WASHC2A: variants seen among roughly 807,000 people sequenced by gnomAD.
WASHC2A encodes WASH complex subunit 2A.
A neutral mutation model predicts 140.3 loss-of-function variants in WASHC2A; 82 were observed. The observed-to-expected ratio is 0.58, with a 90% CI of 0.49 to 0.70. The LOEUF (loss-of-function observed/expected upper bound fraction) is 0.70. Among genes scored for constraint, WASHC2A ranks in the 30% least tolerant of loss-of-function variants. The pLI is 0.00. For missense variants in WASHC2A, 985 were observed against 1,521.8 expected (o/e 0.65, Z 5.87); for synonymous variants, 340 against 560.8 (o/e 0.61, Z 5.56).
intron 2 of WASHC2A, 57 bp from the exon 3 acceptor site, chr10:50,069,490 C>T: frequency 6.5e-7 from 1 of 1,537,978 alleles, no homozygotes; most frequent in South Asian, 1.2e-5. Flanking sequence ...TTTGATGTGA[C>T]ATGCAGAATA....
At chr10:50,110,339 A>T in intron 20 of WASHC2A, 69 bp downstream of exon 20, 2 of 1,598,122 alleles carry the variant, frequency 1.3e-6, no homozygotes, top group South Asian at 1.1e-5. Context: ...TCTGATGCAC[A>T]ATCTAGTTCA....
chr10:50,098,959 G>A (rs1233507336), intron 16 of WASHC2A, among the ~76,000 whole-genome samples: 1 of 150,916 alleles, frequency 6.6e-6, no homozygotes, highest in Non-Finnish European at 1.5e-5. Flanking sequence ...TGCTTCATTG[G>A]AAAGGTACCC....
intron 3 of WASHC2A, among the ~76,000 whole-genome samples, chr10:50,076,742 C>T (rs1302714908): frequency 6.6e-6 from 1 of 151,836 alleles, no homozygotes; most frequent in African/African-American, 2.4e-5. Flanking sequence ...CTTTGGGAGG[C>T]CAAGGCCGAT....
chr10:50,086,551 C>T (rs1839400102), intron 7 of WASHC2A, among the ~76,000 whole-genome samples: 3 of 151,124 alleles, frequency 2.0e-5, no homozygotes, highest in South Asian at 4.2e-4. Flanking sequence ...CCCATTAGCT[C>T]GTCATCTAGC....
At chr10:50,097,961 C>T (rs1840656798) in intron 16 of WASHC2A, among the ~76,000 whole-genome samples, 159 bp downstream of exon 16, 1 of 151,760 alleles carries the variant, frequency 6.6e-6, no homozygotes, top group African/African-American at 2.4e-5. Flanking sequence ...AAATAACTGC[C>T]ACCCAGATTG....
chr10:50,087,298 T>G lies in WASHC2A; in HGVS notation c.708T>G (p.His236Gln). 6.2e-7 allele frequency: 1 copy of G among 1,613,972 alleles called. No homozygotes were observed. The highest frequency in any genetic ancestry group is 1.1e-5 in the South Asian group (1 of 91,076). ...EEEESDEDFA[H>Q]HSDNEQNRHT... is the part of the protein sequence containing the mutation. ...AGGAGTCAGATGAAGATTTTGCCCA[T>G]CATAGTGACAATGAACAAAACCGGG... The change falls in exon 8 of 31, where the codon CAT becomes CAG. Residue 236 changes from histidine to glutamine, a missense_variant. Transcript: ENST00000282633.
chr10:50,124,276 G>A (rs1301603021), intron 23 of WASHC2A, among the ~76,000 whole-genome samples: 7 of 151,426 alleles, frequency 4.6e-5, no homozygotes, highest in Admixed American at 1.3e-4. Flanking sequence ...GCTGATCTTT[G>A]TATTTTTAGT....
chr10:50,105,949 A>G (rs1278499884), intron 18 of WASHC2A, among the ~76,000 whole-genome samples: 1 of 151,876 alleles, frequency 6.6e-6, no homozygotes, highest in Non-Finnish European at 1.5e-5. Context: ...CGTGGAGACA[A>G]CAGTGTGAGT....
At chr10:50,093,982 A>C in intron 13 of WASHC2A, 65 bp downstream of exon 13, 2 of 1,601,142 alleles carry the variant, frequency 1.2e-6, no homozygotes, top group Non-Finnish European at 1.7e-6. Context: ...TCTCACTAGG[A>C]GATGGAACAA....
chr10:50,070,129 G>T lies in WASHC2A; in HGVS notation c.291+418G>T, dbSNP rs1358317480. ...TAAATTATATTCAGGGGATATATAT[G>T]TCTGCTTGCAATACTCTCAACTAAA... On this transcript the variant is annotated intron_variant, in intron 3 of 30. Transcript: ENST00000282633. 2.0e-5 allele frequency among the ~76,000 whole-genome samples: 3 copies of T among 152,176 alleles called. No homozygotes were observed. The South Asian group carries it at 6.2e-4, about 31-fold the overall frequency.
intron 8 of WASHC2A, 51 bp downstream of exon 8, chr10:50,087,373 T>C: frequency 6.2e-7 from 1 of 1,609,530 alleles, no homozygotes; most frequent in Non-Finnish European, 8.5e-7. Context: ...AATTGAAGCA[T>C]AGTATATATA....
rs1840935663 is a variant in WASHC2A, at chr10:50,099,965, ACCCCCG to A, written c.1549-12_1549-7del. On this transcript the variant is annotated splice_region_variant and splice_polypyrimidine_tract_variant and intron_variant, in intron 16 of 30. Coordinates refer to ENST00000282633, the MANE Select transcript of WASHC2A (RefSeq NM_001005751.3). ...TTTTTTCTTCCCCACCCCCCCCCCC[ACCCCCG>A]ACAAAGGTTACCTTATCTTCCAGCA... is the stretch of plus-strand genomic sequence containing the variant. 1 of 1,049,932 alleles carries A rather than the reference ACCCCCG, an allele frequency of 9.5e-7. No individual in the cohort carries two copies. The highest frequency in any genetic ancestry group is 3.3e-5 in the African/African-American group (1 of 29,884). 65.0% of individuals were successfully genotyped at this position (1,049,932 alleles called of 1,614,324 possible).
intron 3 of WASHC2A, among the ~76,000 whole-genome samples, chr10:50,075,771 TG>T: frequency 6.6e-6 from 1 of 152,280 alleles, no homozygotes; most frequent in East Asian, 1.9e-4. Context: ...CTCTGCTGTT[TG>T]CCAGTATCAT....
chr10:50,088,652 T>G (rs1266777319), intron 8 of WASHC2A, among the ~76,000 whole-genome samples: 24,740 of 104,434 alleles, frequency 0.24, 3,729 homozygotes, highest in Middle Eastern at 0.37. Flanking sequence ...TAATGTCTGG[T>G]GGACATTCTA....
chr10:50,133,467 C>T lies in WASHC2A; in HGVS notation c.*522C>T, dbSNP rs2133156591. ...AGTTTGGCAAACTGTGGCCCCCCCA[C>T]TGTCATATTTTGTTAATAAAATTTT... On this transcript the variant is annotated 3_prime_UTR_variant, in exon 31 of 31. Coordinates refer to ENST00000282633, the MANE Select transcript of WASHC2A (RefSeq NM_001005751.3). 2.1e-6 allele frequency: 1 copy of T among 469,792 alleles called. No individual in the cohort carries two copies. Among genetic ancestry groups the T allele is most frequent in the East Asian group, 6.9e-5 (1 of 14,422 alleles). 29.1% of individuals were successfully genotyped at this position (469,792 alleles called of 1,614,324 possible). A position where few individuals can be genotyped will look rare whatever the true frequency, so the allele number is the denominator to read the frequency against.
At chr10:50,121,996 A>G (rs539958307) in intron 23 of WASHC2A, among the ~76,000 whole-genome samples, 3 of 107,786 alleles carry the variant, frequency 2.8e-5, no homozygotes, top group East Asian at 6.3e-4. Flanking sequence ...GAAATGGACA[A>G]GCTGATCCTA....
At chr10:50,099,138 A>AT (rs1452890617) in intron 16 of WASHC2A, among the ~76,000 whole-genome samples, 1 of 151,570 alleles carries the variant, frequency 6.6e-6, no homozygotes, top group Non-Finnish European at 1.5e-5. Flanking sequence ...TTAATTCTAT[A>AT]TTTCTTATTA....
At chr10:50,084,010 G>A in intron 5 of WASHC2A, 62 bp from the exon 6 acceptor site, 3 of 1,578,378 alleles carry the variant, frequency 1.9e-6, no homozygotes, top group Non-Finnish European at 2.6e-6. Context: ...GGTATCAGGT[G>A]GCACATGTAA....
chr10:50,068,089 G>T lies in WASHC2A; in HGVS notation c.4-16G>T. ...GCCCTCAGGCTCAGCTTCTCTTCTC[G>T]TTTTTTTCGCTGCAGATGAACCGGA... On this transcript the variant is annotated splice_polypyrimidine_tract_variant and intron_variant, in intron 1 of 30. Transcript: ENST00000282633. 1 of 1,608,874 alleles carries T rather than the reference G, an allele frequency of 6.2e-7. No individual in the cohort carries two copies. Among genetic ancestry groups the T allele is most frequent in the Non-Finnish European group, 8.5e-7 (1 of 1,178,260 alleles).
Sources: allele counts gnomAD v4.1 joint callset (sites outside exome capture counted in the v4.1 genomes callset), GRCh38; gene constraint gnomAD v4.1.1; transcripts MANE v1.5; gene names NCBI Gene and HGNC (gene_info 2026-07-23, HGNC 2026-07-21).